Variants in NRXN1 observed in about 807,000 individuals in gnomAD.
NRXN1 encodes neurexin 1, also known as neurexin-1.
A neutral mutation model predicts 150.9 loss-of-function variants in NRXN1; 39 were observed. The observed-to-expected ratio is 0.26, with a 90% CI of 0.20 to 0.34. The LOEUF is 0.34. NRXN1 is among the 10% of genes least tolerant of loss of function. The pLI is 1.00. For missense variants in NRXN1, 1,815 were observed against 1,949.9 expected (o/e 0.93, Z 1.30); for synonymous variants, 924 against 757.0 (o/e 1.22, Z -3.62).
intron 5 of NRXN1, among the ~76,000 whole-genome samples, chr2:50,776,843 A>G (rs1233848454): frequency 6.6e-6 from 1 of 152,022 alleles, no homozygotes; most frequent in Non-Finnish European, 1.5e-5. Flanking sequence ...GCCACATCAC[A>G]CTGTCAATAT....
chr2:50,393,304 G>A (rs887474617), intron 17 of NRXN1, among the ~76,000 whole-genome samples: 1 of 151,686 alleles, frequency 6.6e-6, no homozygotes, highest in Non-Finnish European at 1.5e-5. Context: ...GAACTCAATC[G>A]CCTCTTTAGA....
chr2:49,978,924 T>A (rs1214520612), intron 21 of NRXN1, among the ~76,000 whole-genome samples: 2 of 152,172 alleles, frequency 1.3e-5, no homozygotes, highest in Non-Finnish European at 2.9e-5. Context: ...TTCTTTACCA[T>A]TCAAAGCAAT....
intron 5 of NRXN1, among the ~76,000 whole-genome samples, chr2:50,627,691 A>G (rs1681411596): frequency 6.6e-6 from 1 of 151,616 alleles, no homozygotes; most frequent in South Asian, 2.1e-4. Flanking sequence ...TTCCCACTGA[A>G]TAAGTAGATC....
intron 5 of NRXN1, among the ~76,000 whole-genome samples, chr2:50,852,997 C>G (rs941282382): frequency 2.0e-5 from 3 of 152,152 alleles, no homozygotes; most frequent in African/African-American, 7.2e-5. Context: ...ATGGAAATCT[C>G]TTTCATCTAA....
chr2:50,387,533 G>A (rs1305976558), intron 17 of NRXN1, among the ~76,000 whole-genome samples: 1 of 152,058 alleles, frequency 6.6e-6, no homozygotes, highest in African/African-American at 2.4e-5. Context: ...ATATATAACT[G>A]TTTTAACCTT....
intron 5 of NRXN1, among the ~76,000 whole-genome samples, chr2:50,803,035 G>A (rs977604803): frequency 6.6e-6 from 1 of 152,180 alleles, no homozygotes; most frequent in South Asian, 2.1e-4. Context: ...CCAGCTTTTG[G>A]TACTTTTTGT....
At chr2:50,352,775 ATAT>A (rs199682966) in intron 17 of NRXN1, among the ~76,000 whole-genome samples, 15,968 of 89,832 alleles carry the variant, frequency 0.18, 1,700 homozygotes, top group East Asian at 0.58. Context: ...AATAATAATA[ATAT>A]TATAATAATA....
intron 2 of NRXN1, among the ~76,000 whole-genome samples, chr2:51,018,344 AG>A (rs1669066147): frequency 1.3e-5 from 2 of 152,102 alleles, no homozygotes; most frequent in African/African-American, 2.4e-5. Flanking sequence ...GTGTGGTGTC[AG>A]TGCATTTCTA....
intron 5 of NRXN1, among the ~76,000 whole-genome samples, chr2:50,761,733 G>A (rs1257052314): frequency 3.9e-4 from 60 of 151,980 alleles, no homozygotes; most frequent in Non-Finnish European, 5.9e-5. Context: ...GGGAAAGGCA[G>A]ACTCACCCTC....
intron 18 of NRXN1, among the ~76,000 whole-genome samples, chr2:50,179,150 G>A (rs79776916): frequency 6.6e-6 from 1 of 152,182 alleles, no homozygotes; most frequent in East Asian, 1.9e-4. Flanking sequence ...CATGTCCTAA[G>A]ATATTTTAAT....
Position 50,656,434 on chromosome 2 carries a change from G to T in NRXN1, c.833-32819C>A, listed in dbSNP as rs752919284. On this transcript the variant is annotated intron_variant, in intron 5 of 22. Transcript: ENST00000401669. ...ACAAATAGGAGTTTATAAAGTTCTA[G>T]AAGTATCAAGTTTCTAGATTCTTTT... 1.2e-5 allele frequency: 9 copies of T among 767,132 alleles called. No individual in the cohort carries two copies. In the African/African-American group the frequency reaches 1.2e-4, roughly 10 times the overall value. 47.5% of individuals were successfully genotyped at this position (767,132 alleles called of 1,614,324 possible). A position where few individuals can be genotyped will look rare whatever the true frequency, so the allele number is the denominator to read the frequency against.
At chr2:50,397,351 A>G in intron 17 of NRXN1, among the ~76,000 whole-genome samples, 1 of 151,844 alleles carries the variant, frequency 6.6e-6, no homozygotes, top group Non-Finnish European at 1.5e-5. Context: ...TGAACAGACC[A>G]CTCTTCTAAG....
intron 5 of NRXN1, among the ~76,000 whole-genome samples, chr2:50,826,145 G>A (rs1439214266): frequency 6.6e-6 from 1 of 152,162 alleles, no homozygotes; most frequent in East Asian, 1.9e-4. Flanking sequence ...GGGACTGGGG[G>A]AAGGGAAAGA....
chr2:50,230,774 T>C (rs1387307459), intron 18 of NRXN1, among the ~76,000 whole-genome samples: 1 of 152,064 alleles, frequency 6.6e-6, no homozygotes, highest in Non-Finnish European at 1.5e-5. Flanking sequence ...TTGAATTAAC[T>C]TCCAAGGGAA....
rs941215574 is a variant in NRXN1, at chr2:50,021,398, G to A, written c.4128+31873C>T. ...GAAACTTCTTTTGGTTGGAAAATGC[G>A]TAGACACAAATGACAAAATCAAGTG... is the stretch of plus-strand genomic sequence containing the variant. On this transcript the variant is annotated intron_variant, in intron 21 of 22. Transcript: ENST00000401669. 3.3e-5 allele frequency among the ~76,000 whole-genome samples: 5 copies of A among 152,196 alleles called. No individual in the cohort carries two copies. In the East Asian group the frequency reaches 5.8e-4, roughly 18 times the overall value.
intron 18 of NRXN1, among the ~76,000 whole-genome samples, chr2:50,105,691 T>C (rs1045081856): frequency 1.3e-5 from 2 of 152,000 alleles, no homozygotes; most frequent in African/African-American, 4.8e-5. Context: ...TTAGTTGTAG[T>C]TTCCCAAAGG....
intron 17 of NRXN1, among the ~76,000 whole-genome samples, chr2:50,261,532 C>T (rs1255438256): frequency 6.6e-6 from 1 of 151,790 alleles, no homozygotes; most frequent in Non-Finnish European, 1.5e-5. Context: ...CCTCCATAGA[C>T]TTAAGTCACA....
intron 17 of NRXN1, among the ~76,000 whole-genome samples, chr2:50,356,416 T>A (rs889394908): frequency 6.6e-6 from 1 of 152,220 alleles, no homozygotes; most frequent in African/African-American, 2.4e-5. Flanking sequence ...AATTTTTTGA[T>A]ACCTGTATAA....
intron 8 of NRXN1, among the ~76,000 whole-genome samples, chr2:50,603,340 C>T (rs1374514644): frequency 1.3e-5 from 2 of 152,170 alleles, no homozygotes; most frequent in African/African-American, 4.8e-5. Flanking sequence ...AAGCCGTTGG[C>T]TGGCTCAGAA....
Sources: gnomAD v4.1 joint callset for allele counts (sites outside exome capture counted in the v4.1 genomes callset) on GRCh38, gnomAD v4.1.1 for gene constraint, MANE v1.5 for transcripts, NCBI Gene and HGNC (gene_info 2026-07-23, HGNC 2026-07-21) for gene names.